LAMA2: variants seen among roughly 807,000 people sequenced by gnomAD.
LAMA2 encodes laminin subunit alpha-2.
In LAMA2, 269 loss-of-function variants were observed where a neutral mutation model predicts 364.8. That is an observed-to-expected ratio of 0.74 (90% CI 0.67 to 0.82). LAMA2 has a LOEUF of 0.82. Among genes scored for constraint, LAMA2 ranks in the 40% least tolerant of loss-of-function variants. LAMA2 has a pLI of 0.00. For synonymous variants in LAMA2, 1,379 were observed against 1,370.6 expected (o/e 1.01, Z -0.14); for missense variants, 3,807 against 3,873.2 (o/e 0.98, Z 0.45).
chr6:129,316,025 T>C lies in LAMA2; in HGVS notation c.3925-13T>C. The stretch of plus-strand genomic sequence containing the variant: ...TTCAGTTTTGTCATAGTGATTTCTC[T>C]TCTTGTTAACAGAAAGAATGGAAAT... On this transcript the variant is annotated splice_polypyrimidine_tract_variant and intron_variant, in intron 26 of 64. Coordinates refer to ENST00000421865, the MANE Select transcript of LAMA2 (RefSeq NM_000426.4). 1 of 1,614,124 alleles carries C rather than the reference T, an allele frequency of 6.2e-7. No homozygotes were observed. The highest frequency in any genetic ancestry group is 8.5e-7 in the Non-Finnish European group (1 of 1,179,982).
At chr6:128,961,234 T>G (rs1303124216) in intron 1 of LAMA2, among the ~76,000 whole-genome samples, 1 of 147,014 alleles carries the variant, frequency 6.8e-6, no homozygotes, top group East Asian at 2.0e-4. Context: ...CCCCTCATCC[T>G]TCACTGCATG....
intron 22 of LAMA2, among the ~76,000 whole-genome samples, chr6:129,311,413 G>A (rs1234832444): frequency 1.3e-5 from 2 of 152,112 alleles, no homozygotes; most frequent in Admixed American, 6.5e-5. Context: ...GAGCCACCGC[G>A]CCCGGCCTAA....
chr6:129,111,514 A>G (rs758285861), intron 4 of LAMA2, among the ~76,000 whole-genome samples: 26 of 151,966 alleles, frequency 1.7e-4, no homozygotes, highest in Non-Finnish European at 2.7e-4. Context: ...TACTACTATT[A>G]TGTTGAGCCA....
chr6:128,884,859 A>G (rs1776057835), intron 1 of LAMA2, among the ~76,000 whole-genome samples: 1 of 152,236 alleles, frequency 6.6e-6, no homozygotes, highest in African/African-American at 2.4e-5. Context: ...ACCAATCCTT[A>G]TGTCCACTTG....
rs78227400 is a variant in LAMA2, at chr6:129,310,973, C to T, written c.3175-1888C>T. Among the ~76,000 whole-genome samples, 144 of 152,204 alleles carry T rather than the reference C, an allele frequency of 9.5e-4. 1 individual carries two copies. In the East Asian group the frequency reaches 0.024, roughly 25 times the overall value. The stretch of plus-strand genomic sequence containing the variant: ...AGGAGCACGCTGGGCTACTGAGAAG[C>T]CGACTTCAAGGTCAGAGCGTGTGTG... On this transcript the variant is annotated intron_variant, in intron 22 of 64. Transcript: ENST00000421865.
chr6:129,334,148 T>C (rs1775809591), intron 29 of LAMA2, among the ~76,000 whole-genome samples: 1 of 152,234 alleles, frequency 6.6e-6, no homozygotes, highest in Non-Finnish European at 1.5e-5. Flanking sequence ...AACTGAAGCA[T>C]ACTGATTTCT....
intron 12 of LAMA2, among the ~76,000 whole-genome samples, chr6:129,233,750 T>G (rs950659350): frequency 1.3e-5 from 2 of 152,180 alleles, no homozygotes; most frequent in African/African-American, 4.8e-5. Context: ...GGCTTTCTTC[T>G]TTAAACAGAA....
chr6:129,306,936 A>G (rs1308007022), intron 22 of LAMA2, among the ~76,000 whole-genome samples: 1 of 152,182 alleles, frequency 6.6e-6, no homozygotes, highest in East Asian at 1.9e-4. Context: ...TTGCAGGACT[A>G]TTCCTACTGA....
intron 1 of LAMA2, among the ~76,000 whole-genome samples, chr6:128,953,144 A>C (rs898056264): frequency 6.6e-6 from 1 of 152,180 alleles, no homozygotes; most frequent in African/African-American, 2.4e-5. Flanking sequence ...AATATCAGAG[A>C]AGTGGTATTG....
intron 4 of LAMA2, among the ~76,000 whole-genome samples, chr6:129,118,350 C>T (rs1267372488): frequency 1.3e-5 from 2 of 152,190 alleles, no homozygotes; most frequent in African/African-American, 4.8e-5. Context: ...GTCTCTTTCA[C>T]TGGGATCTTA....
intron 1 of LAMA2, among the ~76,000 whole-genome samples, chr6:128,890,117 T>C (rs769788142): frequency 3.3e-5 from 5 of 152,172 alleles, no homozygotes; most frequent in Admixed American, 1.3e-4. Flanking sequence ...ACCCCCGAAC[T>C]GTGTACCTCC....
At chr6:129,207,569 A>G (rs1295139962) in intron 12 of LAMA2, among the ~76,000 whole-genome samples, 1 of 152,146 alleles carries the variant, frequency 6.6e-6, no homozygotes, top group African/African-American at 2.4e-5. Flanking sequence ...AGAATCATAC[A>G]AGTGTAAATA....
At chr6:129,456,608 C>A (rs1218288009) in intron 48 of LAMA2, 114 bp downstream of exon 48, 17 of 987,854 alleles carry the variant, frequency 1.7e-5, no homozygotes, top group Non-Finnish European at 2.8e-5. Context: ...TTTTACTTAA[C>A]TTGCATTTAT....
At chr6:129,135,218 C>T (rs1777716764) in intron 4 of LAMA2, among the ~76,000 whole-genome samples, 1 of 152,250 alleles carries the variant, frequency 6.6e-6, no homozygotes, top group Non-Finnish European at 1.5e-5. Flanking sequence ...AATACTGGGT[C>T]TGTCATAGAC....
At chr6:128,965,045 A>G (rs1282294347) in intron 1 of LAMA2, among the ~76,000 whole-genome samples, 1 of 152,036 alleles carries the variant, frequency 6.6e-6, no homozygotes, top group East Asian at 1.9e-4. Context: ...AGTTTATATG[A>G]GAGGATTATA....
chr6:129,413,898 T>G (rs1405508551), intron 40 of LAMA2, among the ~76,000 whole-genome samples: 1 of 152,110 alleles, frequency 6.6e-6, no homozygotes, highest in Admixed American at 6.5e-5. Context: ...AAGCAGAAAT[T>G]AATGACCTAA....
chr6:128,903,054 A>G (rs535749630), intron 1 of LAMA2, among the ~76,000 whole-genome samples: 5 of 152,214 alleles, frequency 3.3e-5, no homozygotes, highest in African/African-American at 9.6e-5. Context: ...AGATTTGTGT[A>G]TGGTTTCATA....
chr6:129,478,705 T>C lies in LAMA2; in HGVS notation c.7464T>C (p.Asn2488=), dbSNP rs1273499719. 1 of 1,613,412 alleles carries C rather than the reference T, an allele frequency of 6.2e-7. No individual in the cohort carries two copies. The highest frequency in any genetic ancestry group is 8.5e-7 in the Non-Finnish European group (1 of 1,179,578). ...NLSMKARPEV[N]LKKYSGCLKD... ...GACTATTCAATAGGCCAGAAGTAAA[T>C]CTGAAGAAATATTCCGGCTGCCTCA... The change falls in exon 54 of 65, where the codon AAT becomes AAC. Residue 2488 remains asparagine, a synonymous_variant. Coordinates refer to ENST00000421865, the MANE Select transcript of LAMA2 (RefSeq NM_000426.4).
intron 12 of LAMA2, among the ~76,000 whole-genome samples, chr6:129,223,524 G>A (rs1784025727): frequency 6.6e-6 from 1 of 152,140 alleles, no homozygotes; most frequent in African/African-American, 2.4e-5. Flanking sequence ...TTTGTATAAG[G>A]TGTAAGGAAG....
Sources: gnomAD v4.1 joint callset for allele counts (sites outside exome capture counted in the v4.1 genomes callset) on GRCh38, gnomAD v4.1.1 for gene constraint, MANE v1.5 for transcripts, NCBI Gene and HGNC (gene_info 2026-07-23, HGNC 2026-07-21) for gene names.